Variants in COL22A1 observed in about 807,000 individuals in gnomAD.
The protein encoded by COL22A1 is collagen alpha-1(XXII) chain.
Under a neutral mutation model 248.9 loss-of-function variants are expected in COL22A1, and 221 were observed. That is an observed-to-expected ratio of 0.89 (90% CI 0.80 to 0.99). The LOEUF is 0.99. Ranked by LOEUF, COL22A1 falls within the 50% of genes least tolerant of loss-of-function variation. COL22A1 has a pLI of 0.00. For missense variants in COL22A1, 2,240 were observed against 2,179.0 expected (o/e 1.03, Z -0.56); for synonymous variants, 891 against 793.4 (o/e 1.12, Z -2.07).
chr8:138,651,749 A>G (rs1822758607), intron 45 of COL22A1, among the ~76,000 whole-genome samples: 1 of 152,186 alleles, frequency 6.6e-6, no homozygotes, highest in Non-Finnish European at 1.5e-5. Flanking sequence ...GGATGGATGG[A>G]TGCAAATGGA....
chr8:138,773,854 C>T lies in COL22A1; in HGVS notation c.1803+2112G>A, dbSNP rs186427077. 1.1e-4 allele frequency among the ~76,000 whole-genome samples: 16 copies of T among 152,346 alleles called. No individual in the cohort carries two copies. The East Asian group carries it at 1.5e-3, about 15-fold the overall frequency. On this transcript the variant is annotated intron_variant, in intron 16 of 64. Coordinates refer to ENST00000303045, the MANE Select transcript of COL22A1 (RefSeq NM_152888.3). Reference sequence around the variant, plus strand: ...CTGTCTGAATCACTGCTGAGCCACACGCTTTGGATGTGAGTCTCAAGCTTC... The same window carrying T: ...CTGTCTGAATCACTGCTGAGCCACATGCTTTGGATGTGAGTCTCAAGCTTC...
intron 12 of COL22A1, among the ~76,000 whole-genome samples, chr8:138,790,331 A>G (rs919954424): frequency 6.6e-6 from 1 of 152,126 alleles, no homozygotes; most frequent in South Asian, 2.1e-4. Flanking sequence ...TCATGACCCA[A>G]TCACCTCCCA....
intron 41 of COL22A1, among the ~76,000 whole-genome samples, chr8:138,665,010 G>A (rs1326396742): frequency 6.6e-6 from 1 of 152,178 alleles, no homozygotes; most frequent in East Asian, 1.9e-4. Context: ...TCCCGAGAGA[G>A]CAAAATGATT....
At chr8:138,682,043 G>A (rs2130837054) in intron 39 of COL22A1, among the ~76,000 whole-genome samples, 1 of 152,226 alleles carries the variant, frequency 6.6e-6, no homozygotes, top group South Asian at 2.1e-4. Flanking sequence ...TTCATATCTT[G>A]CATGTTATTG....
In COL22A1 at chr8:138,833,062, G is replaced by A; in HGVS notation, c.822C>T (p.Ser274=). The A allele has an allele frequency of 6.2e-7, 1 of 1,612,680 alleles. No individual in the cohort carries two copies. Among genetic ancestry groups the A allele is most frequent in the Non-Finnish European group, 8.5e-7 (1 of 1,178,710 alleles). The change falls in exon 5 of 65, where the codon TCC becomes TCT. Residue 274 remains serine, a synonymous_variant. Transcript: ENST00000303045. ...GAQSSYVRMG[S]FPVVQSTEDV... The stretch of plus-strand genomic sequence containing the variant: ...ACTCAGTACTTTGCACCACAGGGAA[G>A]GATCCCATCCGTACATAGGAACTCT...
chr8:138,833,108 C>T lies in COL22A1; in HGVS notation c.776G>A (p.Gly259Glu). The change falls in exon 5 of 65, where the codon GGG becomes GAG. Residue 259 changes from glycine (G) to glutamate (E), a missense_variant. Physicochemically the swap from Gly to Glu is moderately conservative, Grantham distance 98 (BLOSUM62 -2). Coordinates refer to ENST00000303045, the MANE Select transcript of COL22A1 (RefSeq NM_152888.3). ...ACTCTGAGCTCCATTCTCTCTCTTC[C>T]CCAAGATTTCCTTCACACTGAACAA... ...MDLFSVKEIL[G>E]KRENGAQSSY... 6.2e-7 allele frequency: 1 copy of T among 1,613,948 alleles called. No homozygotes were observed. The highest frequency in any genetic ancestry group is 2.2e-5 in the East Asian group (1 of 44,878).
intron 22 of COL22A1, 75 bp from the exon 23 acceptor site, chr8:138,737,652 G>T: frequency 1.0e-6 from 1 of 973,016 alleles, no homozygotes; most frequent in Non-Finnish European, 1.6e-6. Context: ...ATGAGTCTCG[G>T]TGGACATTTG....
intron 9 of COL22A1, among the ~76,000 whole-genome samples, chr8:138,809,528 C>CTTTTTCTTTTTTTTTTTTTTTTTTTT (rs1554633655): frequency 8.5e-5 from 10 of 117,674 alleles, no homozygotes; most frequent in Admixed American, 1.7e-4. Flanking sequence ...TTTTCTTTTT[C>CTTTTTCTTTTTTTTTTTTTTTTTTTT]TTTTTTTTTT....
intron 46 of COL22A1, among the ~76,000 whole-genome samples, chr8:138,648,573 G>C (rs1417168776): frequency 2.0e-5 from 3 of 151,592 alleles, no homozygotes; most frequent in African/African-American, 7.3e-5. Flanking sequence ...CCTTTTAAAA[G>C]GCAAAGAAGG....
intron 9 of COL22A1, among the ~76,000 whole-genome samples, chr8:138,810,942 G>A (rs1818159233): frequency 6.6e-6 from 1 of 152,206 alleles, no homozygotes; most frequent in African/African-American, 2.4e-5. Flanking sequence ...GGAACAGATA[G>A]AGAGGGACAA....
chr8:138,711,430 T>C (rs755092185), intron 30 of COL22A1, among the ~76,000 whole-genome samples: 1 of 152,228 alleles, frequency 6.6e-6, no homozygotes, highest in Non-Finnish European at 1.5e-5. Context: ...CCAGATTCTT[T>C]GGAAGCTTGA....
At chr8:138,591,968 T>G (rs1422973980) in intron 63 of COL22A1, among the ~76,000 whole-genome samples, 1 of 152,230 alleles carries the variant, frequency 6.6e-6, no homozygotes. Flanking sequence ...CTATGCTTCC[T>G]GTGTTTTCAA....
intron 3 of COL22A1, among the ~76,000 whole-genome samples, chr8:138,865,603 G>A (rs1257352107): frequency 5.9e-5 from 9 of 151,588 alleles, no homozygotes; most frequent in African/African-American, 2.2e-4. Flanking sequence ...GTGTGTGTAT[G>A]TTTGTATGCC....
intron 3 of COL22A1, among the ~76,000 whole-genome samples, chr8:138,864,998 T>C (rs1021459641): frequency 2.6e-5 from 4 of 152,226 alleles, no homozygotes; most frequent in African/African-American, 9.6e-5. Flanking sequence ...TTCCACCCCT[T>C]CAGCCATTTA....
intron 64 of COL22A1, among the ~76,000 whole-genome samples, chr8:138,590,454 T>C (rs4131619): frequency 0.08 from 12,143 of 152,270 alleles, 591 homozygotes; most frequent in African/African-American, 0.13. Flanking sequence ...TTCTGCCATT[T>C]ACTCTTTATT....
intron 11 of COL22A1, among the ~76,000 whole-genome samples, chr8:138,797,645 T>C (rs756361934): frequency 2.6e-5 from 4 of 152,192 alleles, no homozygotes; most frequent in Non-Finnish European, 5.9e-5. Context: ...ACTCTGTCTT[T>C]AACCTAAGGG....
intron 59 of COL22A1, among the ~76,000 whole-genome samples, chr8:138,604,210 C>G (rs1280558076): frequency 6.6e-6 from 1 of 152,136 alleles, no homozygotes. Flanking sequence ...ACTGTGGCAG[C>G]CTGGATTCCA....
chr8:138,730,631 T>C (rs1017315742), intron 23 of COL22A1, among the ~76,000 whole-genome samples: 1 of 152,188 alleles, frequency 6.6e-6, no homozygotes, highest in African/African-American at 2.4e-5. Context: ...AGAATTGTTT[T>C]GTATAAAAAC....
chr8:138,802,997 C>T (rs1817132330), intron 10 of COL22A1, 63 bp from the exon 11 acceptor site: 6 of 1,322,674 alleles, frequency 4.5e-6, no homozygotes, highest in Non-Finnish European at 6.6e-6. Context: ...CTTGCACACA[C>T]AGGACCCTCA....
Sources: allele counts gnomAD v4.1 joint callset (sites outside exome capture counted in the v4.1 genomes callset), GRCh38; gene constraint gnomAD v4.1.1; transcripts MANE v1.5; gene names NCBI Gene and HGNC (gene_info 2026-07-23, HGNC 2026-07-21).